EXOC6B: variants seen among roughly 807,000 people sequenced by gnomAD.
The protein encoded by EXOC6B is exocyst complex component 6B.
A neutral mutation model predicts 113.5 loss-of-function variants in EXOC6B; 54 were observed. That is an observed-to-expected ratio of 0.48 (90% CI 0.38 to 0.60). EXOC6B has a LOEUF of 0.60. EXOC6B is among the 20% of genes least tolerant of loss of function. The pLI, the probability that EXOC6B is intolerant of heterozygous loss-of-function variation, is 0.00. For missense variants in EXOC6B, 797 were observed against 977.5 expected, an observed-to-expected ratio of 0.82 and a Z score of 2.46; for synonymous variants, 357 against 339.0, an observed-to-expected ratio of 1.05 and a Z score of -0.58.
chr2:72,367,989 T>C (rs1690744666), intron 19 of EXOC6B, among the ~76,000 whole-genome samples: 2 of 152,086 alleles, frequency 1.3e-5, no homozygotes, highest in Non-Finnish European at 2.9e-5. Flanking sequence ...ATGGAACTCT[T>C]AGGCAACTCT....
At chr2:72,700,765 A>G (rs6730771) in intron 6 of EXOC6B, among the ~76,000 whole-genome samples, 1,591 of 152,292 alleles carry the variant, frequency 0.01, 26 homozygotes, top group African/African-American at 0.035. Context: ...GGCCTTGCCA[A>G]TATGGCAAAA....
chr2:72,531,503 T>G (rs888974092), intron 8 of EXOC6B, among the ~76,000 whole-genome samples: 1 of 152,238 alleles, frequency 6.6e-6, no homozygotes. Flanking sequence ...AAGCGCATAC[T>G]GAACATTTAC....
At chr2:72,675,941 A>G (rs924379706) in intron 6 of EXOC6B, among the ~76,000 whole-genome samples, 3 of 152,070 alleles carry the variant, frequency 2.0e-5, no homozygotes, top group Non-Finnish European at 4.4e-5. Flanking sequence ...CACTTGAATC[A>G]AGCTATAGCT....
intron 19 of EXOC6B, among the ~76,000 whole-genome samples, chr2:72,362,968 C>T (rs1186655494): frequency 6.6e-6 from 1 of 152,042 alleles, no homozygotes; most frequent in Non-Finnish European, 1.5e-5. Context: ...TAGGAAATTC[C>T]AAACCCAGAC....
intron 6 of EXOC6B, among the ~76,000 whole-genome samples, chr2:72,594,836 T>C (rs1369197266): frequency 6.6e-6 from 1 of 152,190 alleles, no homozygotes; most frequent in Non-Finnish European, 1.5e-5. Context: ...GCTCTCTAGC[T>C]CATTTTCAAA....
intron 6 of EXOC6B, among the ~76,000 whole-genome samples, chr2:72,677,024 G>C (rs1273819573): frequency 6.6e-6 from 1 of 152,150 alleles, no homozygotes; most frequent in Non-Finnish European, 1.5e-5. Context: ...GAGCCAGAAA[G>C]AAGAAAAACA....
At chr2:72,235,365 G>A (rs1022458142) in intron 20 of EXOC6B, among the ~76,000 whole-genome samples, 11 of 151,964 alleles carry the variant, frequency 7.2e-5, no homozygotes, top group African/African-American at 2.2e-4. Context: ...AAGTACACAC[G>A]GACACAAAGA....
intron 20 of EXOC6B, among the ~76,000 whole-genome samples, chr2:72,322,483 T>TA (rs1572911254): frequency 6.6e-6 from 1 of 152,306 alleles, no homozygotes; most frequent in East Asian, 1.9e-4. Context: ...AGAAATGTTC[T>TA]TGGTTGTGGT....
intron 1 of EXOC6B, among the ~76,000 whole-genome samples, chr2:72,779,782 C>CA (rs1476409088): frequency 6.6e-6 from 1 of 151,578 alleles, no homozygotes; most frequent in Non-Finnish European, 1.5e-5. Context: ...CTGAAGCTGA[C>CA]AAAAAAAAGA....
At chr2:72,549,703 G>T (rs986452801) in intron 8 of EXOC6B, among the ~76,000 whole-genome samples, 4 of 152,110 alleles carry the variant, frequency 2.6e-5, no homozygotes, top group African/African-American at 9.7e-5. Context: ...TAAAGATATA[G>T]GTTTGGAAGT....
chr2:72,421,571 T>C (rs1694865598), intron 18 of EXOC6B, among the ~76,000 whole-genome samples: 1 of 152,238 alleles, frequency 6.6e-6, no homozygotes, highest in Admixed American at 6.5e-5. Flanking sequence ...TTGATGACAC[T>C]GTGTAGTTTC....
chr2:72,812,787 G>A (rs1685994341), intron 1 of EXOC6B, among the ~76,000 whole-genome samples: 1 of 152,040 alleles, frequency 6.6e-6, no homozygotes, highest in African/African-American at 2.4e-5. Flanking sequence ...AAAATATTCT[G>A]ATAAGATTAA....
chr2:72,612,072 C>T (rs115820539), intron 6 of EXOC6B, among the ~76,000 whole-genome samples: 4,938 of 152,064 alleles, frequency 0.032, 280 homozygotes, highest in African/African-American at 0.11. Context: ...CACTTGAGGC[C>T]GTAGACTAGC....
At chr2:72,575,402 T>C in intron 7 of EXOC6B, 90 bp downstream of exon 7, 1 of 1,199,814 alleles carries the variant, frequency 8.3e-7, no homozygotes, top group Non-Finnish European at 1.1e-6. Flanking sequence ...TCACACAAAC[T>C]ACATTATATG....
intron 6 of EXOC6B, among the ~76,000 whole-genome samples, chr2:72,631,461 TAGAGAGAG>T (rs372313608): frequency 0.016 from 152 of 9,564 alleles, no homozygotes; most frequent in African/African-American, 0.018. Context: ...TATATATATA[TAGAGAGAG>T]AGAGAGAGAG....
At chr2:72,646,394 C>T (rs1265041134) in intron 6 of EXOC6B, among the ~76,000 whole-genome samples, 1 of 152,058 alleles carries the variant, frequency 6.6e-6, no homozygotes, top group Non-Finnish European at 1.5e-5. Context: ...TCTCCTCTTT[C>T]CTTCTGAAAC....
chr2:72,501,842 C>T (rs1700338249), intron 11 of EXOC6B, among the ~76,000 whole-genome samples: 2 of 151,304 alleles, frequency 1.3e-5, no homozygotes, highest in African/African-American at 4.9e-5. Context: ...TCACTGCAGC[C>T]TTGACCCCCT....
At chr2:72,471,746 T>G (rs918534621) in intron 17 of EXOC6B, among the ~76,000 whole-genome samples, 1 of 152,174 alleles carries the variant, frequency 6.6e-6, no homozygotes, top group Non-Finnish European at 1.5e-5. Flanking sequence ...CTATGTTTAA[T>G]AGGAGTAGTG....
At chr2:72,208,534 T>C (rs1679972082) in intron 20 of EXOC6B, among the ~76,000 whole-genome samples, 1 of 152,176 alleles carries the variant, frequency 6.6e-6, no homozygotes, top group Non-Finnish European at 1.5e-5. Context: ...GTGAATAGCA[T>C]GGCAATGAAC....
Sources: gnomAD v4.1 joint callset for allele counts (sites outside exome capture counted in the v4.1 genomes callset) on GRCh38, gnomAD v4.1.1 for gene constraint, MANE v1.5 for transcripts, NCBI Gene and HGNC (gene_info 2026-07-23, HGNC 2026-07-21) for gene names.